Variants in SMAD1 observed in about 807,000 individuals in gnomAD.
SMAD1 encodes MAD, mothers against decapentaplegic homolog 1.
In SMAD1, 6 loss-of-function variants were observed where a neutral mutation model predicts 41.6. The observed-to-expected ratio is 0.14, with a 90% CI of 0.08 to 0.28. The LOEUF is 0.28. Ranked by LOEUF, SMAD1 falls within the 10% of genes least tolerant of loss-of-function variation. The pLI is 1.00. For missense variants in SMAD1, 379 were observed against 582.6 expected, an observed-to-expected ratio of 0.65 and a Z score of 3.60; for synonymous variants, 206 against 203.2, an observed-to-expected ratio of 1.01 and a Z score of -0.12.
At chr4:145,545,347 T>G (rs1303579725) in intron 4 of SMAD1, 1 of 152,248 alleles carries the variant, frequency 6.6e-6, no homozygotes, top group African/African-American at 2.4e-5. Context: ...TGATAGCTGA[T>G]AAAAGCCTTC....
intron 2 of SMAD1, among the ~76,000 whole-genome samples, chr4:145,532,033 G>A (rs1457834510): frequency 6.6e-6 from 1 of 152,122 alleles, no homozygotes; most frequent in African/African-American, 2.4e-5. Context: ...TCTTAAAAAA[G>A]CTCTCACATC....
intron 1 of SMAD1, chr4:145,513,421 G>A (rs1212778764): frequency 6.6e-6 from 1 of 152,156 alleles, no homozygotes; most frequent in Admixed American, 6.5e-5. Context: ...CACATTTTAT[G>A]TTTTCATGTG....
chr4:145,501,940 T>G lies in SMAD1; in HGVS notation c.-176-12498T>G, dbSNP rs368521224. 4.3e-4 allele frequency among the ~76,000 whole-genome samples: 65 copies of G among 152,310 alleles called. 1 individual carries two copies. The South Asian group carries it at 0.012, about 27-fold the overall frequency. On this transcript the variant is annotated intron_variant, in intron 1 of 6. Coordinates refer to ENST00000302085, the MANE Select transcript of SMAD1 (RefSeq NM_005900.3). ...AAAAACAACCAGTATAATGCTTGTATAAGTTGGTAACTCAAACAATTTCGT... is the reference window on the plus strand; with the variant it reads ...AAAAACAACCAGTATAATGCTTGTAGAAGTTGGTAACTCAAACAATTTCGT...
chr4:145,488,534 G>T (rs1190707457), intron 1 of SMAD1, among the ~76,000 whole-genome samples: 1 of 150,658 alleles, frequency 6.6e-6, no homozygotes, highest in Non-Finnish European at 1.5e-5. Flanking sequence ...ATGCAAAGTA[G>T]AAGTATTCCA....
At position 145,523,925 on chromosome 4, in the gene SMAD1, G is replaced by T. The variant is rs533116803; in HGVS notation, c.400+8912G>T. On this transcript the variant is annotated intron_variant, in intron 2 of 6. Coordinates refer to ENST00000302085, the MANE Select transcript of SMAD1 (RefSeq NM_005900.3). The stretch of plus-strand genomic sequence containing the variant: ...GTTTTGGTTTGTTTTTTTGAGACGA[G>T]ATCTGGCCCTGTTGCTCAGGCTGGA... Among the ~76,000 whole-genome samples, 11 of 152,212 alleles carry T rather than the reference G, an allele frequency of 7.2e-5. No homozygotes were observed. In the South Asian group the frequency reaches 2.3e-3, roughly 32 times the overall value.
In SMAD1 at chr4:145,541,489, C is replaced by G. The variant is rs138050220; in HGVS notation, c.659-1093C>G. Among the ~76,000 whole-genome samples the G allele has an allele frequency of 5.9e-4, 90 of 152,216 alleles. No homozygotes were observed. In the Middle Eastern group the frequency reaches 0.01, roughly 17 times the overall value. On this transcript the variant is annotated intron_variant, in intron 3 of 6. Coordinates refer to ENST00000302085, the MANE Select transcript of SMAD1 (RefSeq NM_005900.3). The stretch of plus-strand genomic sequence containing the variant: ...CTGGCTTGAGATAAAGCCGAGTCAG[C>G]CTTACAGCTGCAGAGAAGAGGCTGA...
intron 1 of SMAD1, chr4:145,503,989 TA>T (rs1729620609): frequency 6.6e-6 from 1 of 152,156 alleles, no homozygotes; most frequent in Non-Finnish European, 1.5e-5. Context: ...GGTAAATAAT[TA>T]TCTTGTTTCT....
intron 1 of SMAD1, among the ~76,000 whole-genome samples, chr4:145,498,540 A>G (rs1001118835): frequency 2.6e-5 from 4 of 152,212 alleles, no homozygotes; most frequent in African/African-American, 4.8e-5. Flanking sequence ...GAAAACAGCA[A>G]TTGGTTAAAA....
intron 1 of SMAD1, among the ~76,000 whole-genome samples, chr4:145,489,057 G>T (rs1295166859): frequency 2.6e-5 from 4 of 152,216 alleles, no homozygotes; most frequent in South Asian, 4.1e-4. Flanking sequence ...TAGAATTTCT[G>T]CAGTGATGGA....
Position 145,526,466 on chromosome 4 carries a change from A to G in SMAD1, c.400+11453A>G, listed in dbSNP as rs552779573. Among the ~76,000 whole-genome samples the G allele has an allele frequency of 3.3e-5, 5 of 152,316 alleles. No individual in the cohort carries two copies. The East Asian group carries it at 7.7e-4, about 24-fold the overall frequency. The stretch of plus-strand genomic sequence containing the variant: ...CAACTTGGGAGAAAAGTTGTGGATA[A>G]ATGTCTATTCACATATAACTTACAG... On this transcript the variant is annotated intron_variant, in intron 2 of 6. Transcript: ENST00000302085.
intron 1 of SMAD1, among the ~76,000 whole-genome samples, chr4:145,504,780 T>G (rs1369298122): frequency 6.6e-6 from 1 of 152,226 alleles, no homozygotes; most frequent in Non-Finnish European, 1.5e-5. Context: ...TGATTTTATT[T>G]AGGGCAAATG....
chr4:145,542,445 T>G lies in SMAD1; in HGVS notation c.659-137T>G, dbSNP rs1731996878. The G allele has an allele frequency of 7.2e-6, 4 of 558,176 alleles. No individual in the cohort carries two copies. In the Admixed American group the frequency reaches 1.3e-4, roughly 18 times the overall value. 34.6% of individuals were successfully genotyped at this position (558,176 alleles called of 1,614,324 possible). A position where few individuals can be genotyped will look rare whatever the true frequency, so the allele number is the denominator to read the frequency against. ...AGAAATTGTACATCAAGGCAGTGCCTGTAGCCTTTAGTCTTTTAATGGGGA... is the reference window on the plus strand; with the variant it reads ...AGAAATTGTACATCAAGGCAGTGCCGGTAGCCTTTAGTCTTTTAATGGGGA... On this transcript the variant is annotated intron_variant, in intron 3 of 6. Coordinates refer to ENST00000302085, the MANE Select transcript of SMAD1 (RefSeq NM_005900.3).
intron 1 of SMAD1, among the ~76,000 whole-genome samples, chr4:145,498,237 T>C (rs1729204308): frequency 2.0e-5 from 3 of 152,238 alleles, no homozygotes; most frequent in South Asian, 2.1e-4. Context: ...TTTTTTGCTA[T>C]AATATGCCAT....
intron 2 of SMAD1, among the ~76,000 whole-genome samples, chr4:145,533,265 T>G (rs184638580): frequency 3.0e-4 from 46 of 152,352 alleles, no homozygotes; most frequent in African/African-American, 1.1e-3. Flanking sequence ...TTATAGTTAG[T>G]GTGAACATTT....
rs1206372439 is a variant in SMAD1, at chr4:145,491,642, G to A, written c.-177+9604G>A. Among the ~76,000 whole-genome samples the A allele has an allele frequency of 2.0e-5, 3 of 152,272 alleles. No individual in the cohort carries two copies. The East Asian group carries it at 5.8e-4, about 29-fold the overall frequency. On this transcript the variant is annotated intron_variant, in intron 1 of 6. Transcript: ENST00000302085. ...TCCCAGCCTCCTAGGAGAATCTGGA[G>A]TGTCAAGGAGGTACAAGATATATAC...
intron 2 of SMAD1, among the ~76,000 whole-genome samples, chr4:145,539,452 A>G (rs148950525): frequency 5.1e-4 from 78 of 152,354 alleles, no homozygotes; most frequent in African/African-American, 1.5e-3. Context: ...ATAATTGTCA[A>G]TGGTGATAAA....
At chr4:145,536,988 T>TA (rs1209090612) in intron 2 of SMAD1, among the ~76,000 whole-genome samples, 15 of 152,046 alleles carry the variant, frequency 9.9e-5, no homozygotes, top group African/African-American at 3.6e-4. Flanking sequence ...CCCAAATTGA[T>TA]AAACAGTCTG....
chr4:145,555,907 T>C (rs1330534040), intron 6 of SMAD1, among the ~76,000 whole-genome samples: 1 of 152,108 alleles, frequency 6.6e-6, no homozygotes, highest in Non-Finnish European at 1.5e-5. Context: ...GCCTGGAAGT[T>C]GGATTTGGAG....
At chr4:145,538,699 A>G (rs1731751717) in intron 2 of SMAD1, among the ~76,000 whole-genome samples, 1 of 152,176 alleles carries the variant, frequency 6.6e-6, no homozygotes, top group Non-Finnish European at 1.5e-5. Context: ...AACAATAATC[A>G]TAAGTTTTAA....
Sources: gnomAD v4.1 joint callset for allele counts (sites outside exome capture counted in the v4.1 genomes callset) on GRCh38, gnomAD v4.1.1 for gene constraint, MANE v1.5 for transcripts, NCBI Gene and HGNC (gene_info 2026-07-23, HGNC 2026-07-21) for gene names.